BCKDHB: variants seen among roughly 807,000 people sequenced by gnomAD.
BCKDHB encodes branched chain keto acid dehydrogenase E1 subunit beta, also known as 2-oxoisovalerate dehydrogenase subunit beta, mitochondrial.
A neutral mutation model predicts 48.5 loss-of-function variants in BCKDHB; 41 were observed. The observed-to-expected ratio is 0.85, with a 90% CI of 0.66 to 1.10. BCKDHB has a LOEUF of 1.10. BCKDHB is among the 50% of genes least tolerant of loss of function. The pLI is 0.00. For synonymous variants in BCKDHB, 201 were observed against 174.8 expected (o/e 1.15, Z -1.18); for missense variants, 496 against 494.2 (o/e 1.00, Z -0.03).
At chr6:80,290,296 C>A (rs531704218) in intron 9 of BCKDHB, among the ~76,000 whole-genome samples, 3 of 152,224 alleles carry the variant, frequency 2.0e-5, no homozygotes, top group Non-Finnish European at 4.4e-5. Context: ...CAGAGTTGAT[C>A]CAGAGATAGT....
intron 8 of BCKDHB, among the ~76,000 whole-genome samples, chr6:80,246,712 G>A (rs1047033549): frequency 2.0e-5 from 3 of 152,068 alleles, no homozygotes; most frequent in African/African-American, 7.2e-5. Flanking sequence ...TCTCCCAGAG[G>A]GCTTCAGAAG....
chr6:80,213,532 A>G (rs73748747), intron 8 of BCKDHB, among the ~76,000 whole-genome samples: 2,998 of 152,206 alleles, frequency 0.02, 94 homozygotes, highest in African/African-American at 0.068. Context: ...GCCACTGTGC[A>G]CTGCTTTAGA....
intron 1 of BCKDHB, among the ~76,000 whole-genome samples, chr6:80,117,646 C>T (rs1165549801): frequency 2.6e-5 from 4 of 152,224 alleles, no homozygotes; most frequent in Non-Finnish European, 4.4e-5. Flanking sequence ...CGCTTAAAGG[C>T]ATTCTTAAAC....
chr6:80,274,859 G>T (rs1199010681), intron 9 of BCKDHB, among the ~76,000 whole-genome samples: 1 of 151,880 alleles, frequency 6.6e-6, no homozygotes, highest in Non-Finnish European at 1.5e-5. Flanking sequence ...ATAATATGTG[G>T]TCTTATGTTA....
At chr6:80,265,630 G>T (rs1777483261) in intron 8 of BCKDHB, among the ~76,000 whole-genome samples, 1 of 152,016 alleles carries the variant, frequency 6.6e-6, no homozygotes, top group Admixed American at 6.6e-5. Flanking sequence ...TGGTCGTGAT[G>T]GTTGTGTAAT....
At chr6:80,195,961 A>G (rs1175292847) in intron 6 of BCKDHB, among the ~76,000 whole-genome samples, 1 of 152,176 alleles carries the variant, frequency 6.6e-6, no homozygotes, top group Non-Finnish European at 1.5e-5. Flanking sequence ...TCACTATTTC[A>G]TGTGTAATGC....
chr6:80,301,577 T>C (rs1767583714), intron 9 of BCKDHB, among the ~76,000 whole-genome samples: 1 of 152,038 alleles, frequency 6.6e-6, no homozygotes, highest in African/African-American at 2.4e-5. Flanking sequence ...CTACCAGACA[T>C]ACAAAGAACT....
At chr6:80,127,170 A>G (rs1472275118) in intron 1 of BCKDHB, 1 of 280,254 alleles carries the variant, frequency 3.6e-6, no homozygotes, top group Non-Finnish European at 6.9e-6. Flanking sequence ...GCCACTGGTC[A>G]TGCACATTCC....
At chr6:80,192,411 T>C (rs998857073) in intron 6 of BCKDHB, among the ~76,000 whole-genome samples, 1 of 152,210 alleles carries the variant, frequency 6.6e-6, no homozygotes, top group Non-Finnish European at 1.5e-5. Flanking sequence ...TGAACAAAGT[T>C]TATTCTATAT....
the BCKDHB span, among the ~76,000 whole-genome samples, chr6:80,447,669 A>G: frequency 6.6e-6 from 1 of 152,072 alleles, no homozygotes; most frequent in African/African-American, 2.4e-5. Context: ...ATTATCTTAC[A>G]TTTTCTAGAA....
chr6:80,395,954 G>A, the BCKDHB span, among the ~76,000 whole-genome samples: 1 of 152,158 alleles, frequency 6.6e-6, no homozygotes, highest in Admixed American at 6.5e-5. Flanking sequence ...TTTACACGTG[G>A]GTGCAAAGAA....
At chr6:80,163,262 A>G (rs1018898019) in intron 3 of BCKDHB, among the ~76,000 whole-genome samples, 9 of 149,938 alleles carry the variant, frequency 6.0e-5, no homozygotes, top group East Asian at 3.9e-4. Context: ...ATTGTCTTCA[A>G]TTTCTCTGCT....
At chr6:80,332,472 T>C (rs1353304919) in intron 9 of BCKDHB, among the ~76,000 whole-genome samples, 1 of 152,178 alleles carries the variant, frequency 6.6e-6, no homozygotes, top group Non-Finnish European at 1.5e-5. Context: ...GGAGAATAGC[T>C]GTAAAATACT....
chr6:80,389,745 C>A, the BCKDHB span, among the ~76,000 whole-genome samples: 1 of 152,142 alleles, frequency 6.6e-6, no homozygotes, highest in South Asian at 2.1e-4. Context: ...AGTTACAATG[C>A]CAACTAGGTG....
the BCKDHB span, among the ~76,000 whole-genome samples, chr6:80,412,006 G>T: frequency 6.6e-6 from 1 of 152,198 alleles, no homozygotes; most frequent in South Asian, 2.1e-4. Flanking sequence ...AGGTACCTCA[G>T]TTGGAAATGC....
chr6:80,444,822 T>C, the BCKDHB span, among the ~76,000 whole-genome samples: 2 of 152,360 alleles, frequency 1.3e-5, no homozygotes, highest in East Asian at 3.9e-4. Flanking sequence ...AACACAGTTA[T>C]ACTTGTCAAA....
intron 9 of BCKDHB, among the ~76,000 whole-genome samples, chr6:80,340,503 C>T (rs1428740460): frequency 1.3e-5 from 2 of 152,170 alleles, no homozygotes; most frequent in Non-Finnish European, 2.9e-5. Flanking sequence ...CCGTTTCTAG[C>T]CCATATTCTG....
chr6:80,113,812 A>G (rs1436435051), intron 1 of BCKDHB, among the ~76,000 whole-genome samples: 1 of 152,206 alleles, frequency 6.6e-6, no homozygotes, highest in Non-Finnish European at 1.5e-5. Context: ...TGAAGATTGC[A>G]GGTTACAGAA....
intron 7 of BCKDHB, 52 bp from the exon 8 acceptor site, chr6:80,203,050 T>C (rs1582346865): frequency 1.6e-6 from 2 of 1,281,826 alleles, no homozygotes; most frequent in East Asian, 4.6e-5. Context: ...AACTAGTTTT[T>C]GAGGCTAGAA....
Sources: gnomAD v4.1 joint callset for allele counts (sites outside exome capture counted in the v4.1 genomes callset) on GRCh38, gnomAD v4.1.1 for gene constraint, MANE v1.5 for transcripts, NCBI Gene and HGNC (gene_info 2026-07-23, HGNC 2026-07-21) for gene names.